GABRB2: variants seen among roughly 807,000 people sequenced by gnomAD.
GABRB2 encodes gamma-aminobutyric acid receptor subunit beta-2.
In GABRB2, 16 loss-of-function variants were observed where a neutral mutation model predicts 54.7. That is an observed-to-expected ratio of 0.29 (90% CI 0.20 to 0.44). The LOEUF is 0.44. Among genes scored for constraint, GABRB2 ranks in the 20% least tolerant of loss-of-function variants. GABRB2 has a pLI of 1.00. For missense variants in GABRB2, 355 were observed against 644.0 expected (o/e 0.55, Z 4.86); for synonymous variants, 244 against 233.8 (o/e 1.04, Z -0.40).
At chr5:161,339,852 A>C (rs1414077804) in intron 5 of GABRB2, among the ~76,000 whole-genome samples, 1 of 152,032 alleles carries the variant, frequency 6.6e-6, no homozygotes, top group Non-Finnish European at 1.5e-5. Context: ...TAAGGACTTG[A>C]TGCCATATCT....
At chr5:161,446,101 C>G (rs1757607263) in intron 4 of GABRB2, among the ~76,000 whole-genome samples, 1 of 152,136 alleles carries the variant, frequency 6.6e-6, no homozygotes, top group Non-Finnish European at 1.5e-5. Context: ...CAATTCATCA[C>G]AATTTATAAA....
At chr5:161,468,927 G>A (rs1018909874) in intron 3 of GABRB2, among the ~76,000 whole-genome samples, 14 of 151,722 alleles carry the variant, frequency 9.2e-5, no homozygotes, top group Non-Finnish European at 1.8e-4. Flanking sequence ...AACACATACA[G>A]TCATACATAT....
chr5:161,489,194 T>A (rs1759023374), intron 3 of GABRB2, among the ~76,000 whole-genome samples: 1 of 151,682 alleles, frequency 6.6e-6, no homozygotes, highest in African/African-American at 2.4e-5. Flanking sequence ...ACAGAGAAGA[T>A]CAGCCTAGTT....
At chr5:161,527,329 A>C (rs1452273342) in intron 3 of GABRB2, among the ~76,000 whole-genome samples, 1 of 151,546 alleles carries the variant, frequency 6.6e-6, no homozygotes, top group Non-Finnish European at 1.5e-5. Context: ...CTGCTTCAGA[A>C]CTTACCCCAA....
chr5:161,299,771 C>T lies in GABRB2; in HGVS notation c.1192-5343G>A, dbSNP rs138770227. 6.2e-3 allele frequency among the ~76,000 whole-genome samples: 945 copies of T among 152,216 alleles called. 6 individuals carry two copies. The highest frequency in any genetic ancestry group is 0.011 in the Non-Finnish European group (724 of 68,000). On this transcript the variant is annotated intron_variant, in intron 9 of 9. Transcript: ENST00000393959. ...CCAAAGAATCCTAACAGATTCATCTCATTTAAAGATCTCATTTAATTCATC... is the reference window on the plus strand; with the variant it reads ...CCAAAGAATCCTAACAGATTCATCTTATTTAAAGATCTCATTTAATTCATC...
intron 5 of GABRB2, among the ~76,000 whole-genome samples, chr5:161,340,692 G>C (rs1580898110): frequency 6.6e-6 from 1 of 151,626 alleles, no homozygotes; most frequent in Non-Finnish European, 1.5e-5. Flanking sequence ...AAAGTAAAAT[G>C]CTTAGAACAG....
chr5:161,341,267 G>A (rs1242685572), intron 5 of GABRB2, among the ~76,000 whole-genome samples: 6 of 151,692 alleles, frequency 4.0e-5, no homozygotes, highest in Non-Finnish European at 7.4e-5. Context: ...TATATGACCT[G>A]ACTTTTACAG....
intron 3 of GABRB2, among the ~76,000 whole-genome samples, chr5:161,483,413 G>A (rs1181887265): frequency 2.6e-5 from 4 of 151,868 alleles, no homozygotes; most frequent in African/African-American, 9.7e-5. Flanking sequence ...AAAAGGATTC[G>A]TTATTTAAAA....
intron 5 of GABRB2, among the ~76,000 whole-genome samples, chr5:161,405,454 A>C (rs1187280099): frequency 6.6e-6 from 1 of 152,084 alleles, no homozygotes; most frequent in Non-Finnish European, 1.5e-5. Flanking sequence ...TAAGGGTCAC[A>C]ATATTGTACA....
chr5:161,422,096 T>C (rs1007650633), intron 4 of GABRB2, among the ~76,000 whole-genome samples: 27 of 152,130 alleles, frequency 1.8e-4, no homozygotes, highest in Non-Finnish European at 2.9e-5. Context: ...ACAAACTTTC[T>C]GGAGGGTAAT....
chr5:161,463,555 T>TAGATATATATATAGATATATATA (rs1236064276), intron 3 of GABRB2, among the ~76,000 whole-genome samples: 1 of 23,708 alleles, frequency 4.2e-5, no homozygotes, highest in African/African-American at 1.8e-4. Flanking sequence ...ATATTTTTAT[T>TAGATATATATATAGATATATATA]TATATATATA....
intron 5 of GABRB2, among the ~76,000 whole-genome samples, chr5:161,339,577 G>T (rs770472240): frequency 7.2e-5 from 11 of 152,174 alleles, no homozygotes; most frequent in Non-Finnish European, 1.5e-4. Context: ...AAAAGATAAT[G>T]ATAGCAATTA....
Position 161,289,336 on chromosome 5 carries a change from TA to T in GABRB2, c.*4744del, listed in dbSNP as rs1248762939. ...CAATGTTCCTAGTGCATTTGGAAAATATTTTTTTAAACCTTTGGTGTGAAGC... is the reference window on the plus strand; with the variant it reads ...CAATGTTCCTAGTGCATTTGGAAAATTTTTTTTAAACCTTTGGTGTGAAGC... On this transcript the variant is annotated 3_prime_UTR_variant, in exon 10 of 10. Coordinates refer to ENST00000393959, the MANE Select transcript of GABRB2 (RefSeq NM_001371727.1). 1.3e-5 allele frequency: 2 copies of T among 149,736 alleles called. No individual in the cohort carries two copies. Among genetic ancestry groups the T allele is most frequent in the Non-Finnish European group, 3.0e-5 (2 of 67,644 alleles). The allele number at this position is 149,736 out of a possible 1,614,324, so 9.3% of individuals were successfully genotyped here.
At chr5:161,458,403 T>G (rs576366435) in intron 4 of GABRB2, among the ~76,000 whole-genome samples, 1 of 152,340 alleles carries the variant, frequency 6.6e-6, no homozygotes, top group African/African-American at 2.4e-5. Context: ...AGAGTACAAA[T>G]GTGCTCTCAT....
chr5:161,349,825 G>C (rs537992855), intron 5 of GABRB2, among the ~76,000 whole-genome samples: 29 of 152,158 alleles, frequency 1.9e-4, no homozygotes, highest in African/African-American at 6.3e-4. Flanking sequence ...TCCTGTTTGG[G>C]CTTTCAAACG....
At chr5:161,472,456 GCA>G (rs71587159) in intron 3 of GABRB2, among the ~76,000 whole-genome samples, 249 of 141,284 alleles carry the variant, frequency 1.8e-3, no homozygotes, top group South Asian at 6.3e-3. Flanking sequence ...ACGCACACAT[GCA>G]CACACACACA....
chr5:161,398,619 C>T (rs1756077160), intron 5 of GABRB2, among the ~76,000 whole-genome samples: 2 of 152,098 alleles, frequency 1.3e-5, no homozygotes, highest in South Asian at 4.1e-4. Context: ...CCACAGCAGC[C>T]ATCCTTAGGC....
intron 5 of GABRB2, among the ~76,000 whole-genome samples, chr5:161,374,187 G>A (rs547310754): frequency 1.4e-4 from 22 of 152,078 alleles, no homozygotes; most frequent in South Asian, 8.3e-4. Flanking sequence ...CAGATGATCC[G>A]TTGGCCTCGG....
chr5:161,375,052 T>C (rs1225643862), intron 5 of GABRB2, among the ~76,000 whole-genome samples: 1 of 152,226 alleles, frequency 6.6e-6, no homozygotes, highest in Non-Finnish European at 1.5e-5. Context: ...AAATGATATT[T>C]AGAAACTGAT....
Sources: allele counts gnomAD v4.1 joint callset (sites outside exome capture counted in the v4.1 genomes callset), GRCh38; gene constraint gnomAD v4.1.1; transcripts MANE v1.5; gene names NCBI Gene and HGNC (gene_info 2026-07-23, HGNC 2026-07-21).